The following NRXN3 variants were observed in gnomAD, a reference collection of about 807,000 sequenced individuals.
NRXN3 encodes neurexin 3.
In NRXN3, 32 loss-of-function variants were observed where a neutral mutation model predicts 137.6. The observed-to-expected ratio is 0.23, with a 90% CI of 0.18 to 0.31. The LOEUF (loss-of-function observed/expected upper bound fraction) is 0.31. NRXN3 is among the 10% of genes least tolerant of loss of function. The pLI, the probability that NRXN3 is intolerant of heterozygous loss-of-function variation, is 1.00. For missense variants in NRXN3, 1,574 were observed against 2,062.5 expected (o/e 0.76, Z 4.59); for synonymous variants, 798 against 784.5 (o/e 1.02, Z -0.29).
Position 78,711,997 on chromosome 14 carries a change from G to C in NRXN3, c.1660+2342G>C, listed in dbSNP as rs531420107. ...ATCTTGAAGAATAATATAACAAACA[G>C]TGATCTAGAAAAACTTTTATGATCA... On this transcript the variant is annotated intron_variant, in intron 7 of 20. Transcript: ENST00000335750. Among the ~76,000 whole-genome samples, 3 of 152,134 alleles carry C rather than the reference G, an allele frequency of 2.0e-5. No individual in the cohort carries two copies. In the South Asian group the frequency reaches 6.2e-4, roughly 32 times the overall value.
intron 1 of NRXN3, among the ~76,000 whole-genome samples, chr14:78,212,902 A>T (rs965389012): frequency 2.7e-5 from 4 of 150,680 alleles, no homozygotes; most frequent in Admixed American, 2.6e-4. Context: ...AAAATGAAAT[A>T]AAAAAAAGTG....
At chr14:78,505,774 T>G (rs917765306) in intron 4 of NRXN3, among the ~76,000 whole-genome samples, 1 of 149,456 alleles carries the variant, frequency 6.7e-6, no homozygotes, top group African/African-American at 2.5e-5. Context: ...TTTCAACTTT[T>G]TAAACAAAAG....
intron 1 of NRXN3, among the ~76,000 whole-genome samples, chr14:78,232,475 G>A (rs538252555): frequency 6.6e-6 from 1 of 152,250 alleles, no homozygotes; most frequent in African/African-American, 2.4e-5. Flanking sequence ...TGTGGAGAGA[G>A]TTGGCTAGGA....
At chr14:79,692,111 T>C in intron 17 of NRXN3, 62 bp from the exon 18 acceptor site, 3 of 1,261,286 alleles carry the variant, frequency 2.4e-6, no homozygotes, top group Non-Finnish European at 2.2e-6. Flanking sequence ...AAACCTAGGA[T>C]GTTTTTTAAT....
intron 1 of NRXN3, chr14:78,231,318 C>G (rs563553511): frequency 6.6e-6 from 1 of 152,336 alleles, no homozygotes; most frequent in African/African-American, 2.4e-5. Context: ...AGTGCCTTGG[C>G]TCTAAATTGG....
intron 6 of NRXN3, among the ~76,000 whole-genome samples, chr14:78,675,276 G>T (rs2097990191): frequency 6.6e-6 from 1 of 152,102 alleles, no homozygotes; most frequent in Non-Finnish European, 1.5e-5. Context: ...TCAGCCCCCA[G>T]GTCATCTTAT....
At chr14:79,813,197 C>T (rs957756955) in intron 20 of NRXN3, among the ~76,000 whole-genome samples, 12 of 152,128 alleles carry the variant, frequency 7.9e-5, no homozygotes. Context: ...ACTGTTTTAA[C>T]TTGGCAAACA....
chr14:78,964,185 A>T (rs138153454), intron 11 of NRXN3, among the ~76,000 whole-genome samples: 1 of 152,362 alleles, frequency 6.6e-6, no homozygotes, highest in East Asian at 1.9e-4. Flanking sequence ...CTAAGAAAAT[A>T]CAATCCTCCC....
intron 1 of NRXN3, among the ~76,000 whole-genome samples, chr14:78,190,664 C>A (rs1479887926): frequency 6.7e-6 from 1 of 148,628 alleles, no homozygotes; most frequent in East Asian, 2.0e-4. Flanking sequence ...TACTTACTTA[C>A]TTACTTAATT....
chr14:79,665,615 A>G (rs1293806202), intron 17 of NRXN3, among the ~76,000 whole-genome samples: 1 of 152,086 alleles, frequency 6.6e-6, no homozygotes, highest in Admixed American at 6.6e-5. Flanking sequence ...AGTGTTGCTG[A>G]AGGGTTTGTT....
At chr14:79,744,726 A>G (rs2098973861) in intron 19 of NRXN3, among the ~76,000 whole-genome samples, 1 of 152,174 alleles carries the variant, frequency 6.6e-6, no homozygotes, top group African/African-American at 2.4e-5. Flanking sequence ...CATTTAGTGT[A>G]GATAAGTTGA....
At chr14:79,780,064 C>T (rs2099109096) in intron 19 of NRXN3, among the ~76,000 whole-genome samples, 1 of 151,898 alleles carries the variant, frequency 6.6e-6, no homozygotes, top group South Asian at 2.1e-4. Flanking sequence ...CTCTTTATAA[C>T]ATTTTCATAA....
intron 4 of NRXN3, among the ~76,000 whole-genome samples, chr14:78,475,015 T>C (rs78487777): frequency 0.034 from 5,225 of 152,052 alleles, 305 homozygotes; most frequent in East Asian, 0.31. Flanking sequence ...GACCACACTT[T>C]GATATACACT....
At chr14:78,227,533 A>G (rs1032885395) in intron 1 of NRXN3, among the ~76,000 whole-genome samples, 3 of 152,072 alleles carry the variant, frequency 2.0e-5, no homozygotes, top group Non-Finnish European at 4.4e-5. Context: ...TTCCATTCTC[A>G]GCTCACAGCA....
chr14:78,689,415 C>T (rs967427111), intron 6 of NRXN3, among the ~76,000 whole-genome samples: 1 of 152,124 alleles, frequency 6.6e-6, no homozygotes, highest in Non-Finnish European at 1.5e-5. Flanking sequence ...TTTTATAGCA[C>T]TTCTTGTTAT....
intron 15 of NRXN3, among the ~76,000 whole-genome samples, chr14:79,117,850 G>A (rs1449929227): frequency 6.6e-6 from 1 of 152,246 alleles, no homozygotes; most frequent in Non-Finnish European, 1.5e-5. Context: ...GGGGTTGACA[G>A]AGACATGATC....
intron 15 of NRXN3, among the ~76,000 whole-genome samples, chr14:79,192,087 C>T (rs2064427977): frequency 6.6e-6 from 1 of 152,106 alleles, no homozygotes; most frequent in African/African-American, 2.4e-5. Flanking sequence ...TGGGGTTTCA[C>T]CATATTGGCC....
intron 19 of NRXN3, among the ~76,000 whole-genome samples, chr14:79,789,572 G>A (rs1233001014): frequency 6.6e-6 from 1 of 152,056 alleles, no homozygotes; most frequent in East Asian, 1.9e-4. Flanking sequence ...AACAAGGGGT[G>A]GATTACTCAT....
chr14:79,664,923 T>A (rs1427311776), intron 17 of NRXN3, among the ~76,000 whole-genome samples: 5 of 152,152 alleles, frequency 3.3e-5, no homozygotes, highest in Non-Finnish European at 4.4e-5. Flanking sequence ...CCTCACAATT[T>A]TCTCACCACT....
Sources: allele counts gnomAD v4.1 joint callset (sites outside exome capture counted in the v4.1 genomes callset), GRCh38; gene constraint gnomAD v4.1.1; transcripts MANE v1.5; gene names NCBI Gene and HGNC (gene_info 2026-07-23, HGNC 2026-07-21).